SIPA1L2: variants seen among roughly 807,000 people sequenced by gnomAD.
The protein encoded by SIPA1L2 is signal induced proliferation associated 1 like 2.
A neutral mutation model predicts 163.9 loss-of-function variants in SIPA1L2; 56 were observed. The ratio of observed to expected loss-of-function variants is 0.34; its 90% CI spans 0.28 to 0.43. SIPA1L2 has a LOEUF of 0.43. SIPA1L2 is among the 20% of genes least tolerant of loss of function. SIPA1L2 has a pLI of 1.00. For synonymous variants in SIPA1L2, 877 were observed against 865.7 expected, an observed-to-expected ratio of 1.01 and a Z score of -0.23; for missense variants, 1,974 against 2,193.5, an observed-to-expected ratio of 0.90 and a Z score of 2.00.
At chr1:232,478,085 C>A (rs572848543) in intron 7 of SIPA1L2, among the ~76,000 whole-genome samples, 3 of 152,208 alleles carry the variant, frequency 2.0e-5, no homozygotes, top group African/African-American at 7.2e-5. Context: ...AATTAAGCCT[C>A]TTAAGATCCA....
At chr1:232,407,281 TTC>T (rs201216449) in intron 19 of SIPA1L2, among the ~76,000 whole-genome samples, 1 of 150,776 alleles carries the variant, frequency 6.6e-6, no homozygotes, top group East Asian at 2.6e-4. Flanking sequence ...CCATTTTTTT[TTC>T]CACTAATTAT....
chr1:232,441,261 C>T, intron 14 of SIPA1L2, 30 bp downstream of exon 14: 1 of 1,542,204 alleles, frequency 6.5e-7, no homozygotes, highest in Admixed American at 2.1e-5. Context: ...CTGGCTAGGC[C>T]AGTGAAGGGC....
rs773900193 is a variant in SIPA1L2, at chr1:232,415,643, CAG to C, written c.4631-20_4631-19del. ...GAACTCATCTAAACAGAAACAAAAC[CAG>C]AGAGTCAGTCATCAGTCACAGCACG... On this transcript the variant is annotated intron_variant, in intron 18 of 22. Transcript: ENST00000674635. The C allele has an allele frequency of 6.2e-7, 1 of 1,613,666 alleles. No individual in the cohort carries two copies. The highest frequency in any genetic ancestry group is 8.5e-7 in the Non-Finnish European group (1 of 1,179,848).
intron 6 of SIPA1L2, among the ~76,000 whole-genome samples, chr1:232,483,177 G>A (rs1197461073): frequency 1.6e-4 from 24 of 151,850 alleles, no homozygotes; most frequent in Admixed American, 1.5e-3. Context: ...CAGTCAATCC[G>A]CCACTGTACA....
intron 1 of SIPA1L2, among the ~76,000 whole-genome samples, chr1:232,608,517 T>G (rs2102869862): frequency 6.6e-6 from 1 of 152,330 alleles, no homozygotes; most frequent in East Asian, 1.9e-4. Context: ...AAGAGGTTGG[T>G]GCCCTCTTTT....
intron 18 of SIPA1L2, among the ~76,000 whole-genome samples, chr1:232,417,877 T>C (rs1387621636): frequency 6.6e-6 from 1 of 152,220 alleles, no homozygotes; most frequent in Non-Finnish European, 1.5e-5. Context: ...GGCATAGCTC[T>C]GTGAGGGCCG....
intron 15 of SIPA1L2, among the ~76,000 whole-genome samples, chr1:232,436,375 G>C (rs191159596): frequency 6.6e-6 from 1 of 152,280 alleles, no homozygotes; most frequent in Admixed American, 6.5e-5. Context: ...TTTTATTTAG[G>C]GGTGGGTGCT....
At chr1:232,588,672 T>C (rs1660802172) in intron 1 of SIPA1L2, among the ~76,000 whole-genome samples, 1 of 152,182 alleles carries the variant, frequency 6.6e-6, no homozygotes, top group Non-Finnish European at 1.5e-5. Context: ...CTTTTCCAAC[T>C]ACAAACCTGT....
chr1:232,608,686 A>G (rs540033596), intron 1 of SIPA1L2, among the ~76,000 whole-genome samples: 46 of 152,318 alleles, frequency 3.0e-4, no homozygotes, highest in African/African-American at 9.9e-4. Context: ...ATATCTCTGC[A>G]TATATTACAA....
intron 1 of SIPA1L2, among the ~76,000 whole-genome samples, chr1:232,612,562 G>A (rs1335422659): frequency 6.6e-6 from 1 of 152,188 alleles, no homozygotes; most frequent in Non-Finnish European, 1.5e-5. Flanking sequence ...TTTAACATTT[G>A]ACTGCCCCGC....
intron 1 of SIPA1L2, among the ~76,000 whole-genome samples, chr1:232,600,791 C>A (rs1246701967): frequency 6.6e-6 from 1 of 152,080 alleles, no homozygotes; most frequent in East Asian, 1.9e-4. Context: ...GGCAGTTGCT[C>A]CAGGAAAACT....
chr1:232,564,619 A>G (rs1329818256), intron 2 of SIPA1L2, among the ~76,000 whole-genome samples: 1 of 152,126 alleles, frequency 6.6e-6, no homozygotes, highest in African/African-American at 2.4e-5. Context: ...TAAAAGCTAC[A>G]TGTTAACACT....
chr1:232,497,101 C>G (rs1002366068), intron 3 of SIPA1L2, among the ~76,000 whole-genome samples: 1 of 151,964 alleles, frequency 6.6e-6, no homozygotes, highest in Admixed American at 6.6e-5. Flanking sequence ...ATGTGTACTG[C>G]TCTCATACTC....
intron 1 of SIPA1L2, among the ~76,000 whole-genome samples, chr1:232,589,645 C>T (rs4649389): frequency 0.049 from 7,510 of 152,260 alleles, 829 homozygotes; most frequent in East Asian, 0.48. Flanking sequence ...TTGTCAGACA[C>T]TTAAATGGGC....
At chr1:232,477,008 A>C (rs1052192784) in intron 7 of SIPA1L2, among the ~76,000 whole-genome samples, 4 of 152,154 alleles carry the variant, frequency 2.6e-5, no homozygotes, top group Non-Finnish European at 4.4e-5. Flanking sequence ...GTATTAACAT[A>C]ATTTGTGGGC....
chr1:232,556,928 T>C (rs1014788011), intron 2 of SIPA1L2, among the ~76,000 whole-genome samples: 8 of 152,180 alleles, frequency 5.3e-5, no homozygotes, highest in African/African-American at 9.7e-5. Flanking sequence ...AGGCAATCCG[T>C]TGGACCAGGA....
At chr1:232,511,407 T>C (rs1338370856) in intron 3 of SIPA1L2, among the ~76,000 whole-genome samples, 1 of 152,224 alleles carries the variant, frequency 6.6e-6, no homozygotes, top group Non-Finnish European at 1.5e-5. Flanking sequence ...AGATGCAGTG[T>C]AAATATCTGT....
At chr1:232,547,590 G>A (rs1658113665) in intron 2 of SIPA1L2, among the ~76,000 whole-genome samples, 1 of 148,716 alleles carries the variant, frequency 6.7e-6, no homozygotes, top group African/African-American at 2.5e-5. Flanking sequence ...GTGGGGGCTG[G>A]GGGGGGCAGG....
At chr1:232,402,322 A>G (rs1660390691) in intron 22 of SIPA1L2, 70 bp downstream of exon 22, 10 of 1,376,288 alleles carry the variant, frequency 7.3e-6, no homozygotes, top group Middle Eastern at 1.8e-4. Context: ...TTTTCAATTT[A>G]TCTGTAGTAG....
Sources: allele counts gnomAD v4.1 joint callset (sites outside exome capture counted in the v4.1 genomes callset), GRCh38; gene constraint gnomAD v4.1.1; transcripts MANE v1.5; gene names NCBI Gene and HGNC (gene_info 2026-07-23, HGNC 2026-07-21).